The following GPHN variants were observed in gnomAD, a reference collection of about 807,000 sequenced individuals.
The protein encoded by GPHN is gephyrin.
GPHN carries 17 observed loss-of-function variants against 95.5 expected under a neutral mutation model. That is an observed-to-expected ratio of 0.18 (90% CI 0.12 to 0.27). GPHN has a LOEUF of 0.27. GPHN is among the 10% of genes least tolerant of loss of function. The probability of loss-of-function intolerance (pLI) is 1.00; values close to 1 mark genes in which losing one functional copy is unlikely to be tolerated. For synonymous variants in GPHN, 320 were observed against 322.5 expected (o/e 0.99, Z 0.08); for missense variants, 660 against 978.1 (o/e 0.67, Z 4.34).
At chr14:67,718,281 T>C in the GPHN span, among the ~76,000 whole-genome samples, 1 of 152,084 alleles carries the variant, frequency 6.6e-6, no homozygotes. Context: ...AAATATGTGA[T>C]TTGAAGAATA....
chr14:67,569,703 G>A, the GPHN span: 1 of 585,802 alleles, frequency 1.7e-6, no homozygotes, highest in Non-Finnish European at 3.1e-6. Context: ...TTAAAGGTAA[G>A]GCTTTTGGAT....
At chr14:67,724,582 G>A in the GPHN span, 11 of 1,611,646 alleles carry the variant, frequency 6.8e-6, no homozygotes, top group African/African-American at 4.0e-5. Flanking sequence ...CAGAGAGCTC[G>A]CTAGCCGAGG....
intron 11 of GPHN, among the ~76,000 whole-genome samples, chr14:67,076,790 A>G (rs2076512343): frequency 6.6e-6 from 1 of 152,168 alleles, no homozygotes; most frequent in Non-Finnish European, 1.5e-5. Context: ...TTTATATTTG[A>G]AAGGCTTAGG....
intron 4 of GPHN, among the ~76,000 whole-genome samples, chr14:66,875,458 T>C (rs574573701): frequency 6.2e-4 from 93 of 149,820 alleles, no homozygotes; most frequent in Non-Finnish European, 5.5e-4. Flanking sequence ...AAAGACAGAC[T>C]GGCAAATTGG....
chr14:67,719,271 G>A, the GPHN span, among the ~76,000 whole-genome samples: 1 of 152,188 alleles, frequency 6.6e-6, no homozygotes, highest in African/African-American at 2.4e-5. Flanking sequence ...TTCAATGTCA[G>A]TATTAATCAG....
the GPHN span, among the ~76,000 whole-genome samples, chr14:67,196,223 C>CTTTCTTTTTT: frequency 4.5e-3 from 639 of 143,116 alleles, 8 homozygotes; most frequent in African/African-American, 0.015. Context: ...TTCTTTCTTT[C>CTTTCTTTTTT]TTTTTTTTTT....
chr14:67,119,196 A>G (rs1161078533), intron 16 of GPHN, among the ~76,000 whole-genome samples: 3 of 152,228 alleles, frequency 2.0e-5, no homozygotes, highest in Admixed American at 6.5e-5. Flanking sequence ...AGCTTGTGTT[A>G]AAAACAATTT....
the GPHN span, chr14:67,585,431 A>T: frequency 3.0e-6 from 2 of 656,946 alleles, no homozygotes; most frequent in Non-Finnish European, 5.4e-6. Flanking sequence ...TACAAATATC[A>T]TCTTTGTTTT....
At chr14:67,268,317 C>T in the GPHN span, among the ~76,000 whole-genome samples, 4 of 152,154 alleles carry the variant, frequency 2.6e-5, no homozygotes, top group Admixed American at 1.3e-4. Context: ...AACTCTCATA[C>T]GATCGAATTC....
chr14:66,683,332 AT>A (rs2067062157), intron 2 of GPHN, among the ~76,000 whole-genome samples: 3 of 25,900 alleles, frequency 1.2e-4, no homozygotes, highest in Admixed American at 1.0e-3. Context: ...ATGTGGAAAT[AT>A]ATATATATAT....
At chr14:67,182,878 C>T (rs1363530602), downstream of GPHN, among the ~76,000 whole-genome samples, 3 of 126,864 alleles carry the variant, frequency 2.4e-5, no homozygotes, top group African/African-American at 6.1e-5. Context: ...CACAGTCTTG[C>T]TCTACTGCTC....
chr14:67,042,408 A>G (rs2074757026), intron 10 of GPHN, among the ~76,000 whole-genome samples: 1 of 152,136 alleles, frequency 6.6e-6, no homozygotes, highest in Non-Finnish European at 1.5e-5. Flanking sequence ...TTTTTGTATA[A>G]GGTGTAAGGA....
At chr14:67,692,188 G>C in the GPHN span, 1 of 442,642 alleles carries the variant, frequency 2.3e-6, no homozygotes, top group South Asian at 2.5e-5. Context: ...TGAGTGCTGA[G>C]ACTCCCATGA....
In GPHN at chr14:66,989,230, T is replaced by C. The variant is rs2071234047; in HGVS notation, c.963+23905T>C. Among the ~76,000 whole-genome samples, 3 of 151,964 alleles carry C rather than the reference T, an allele frequency of 2.0e-5. 1 individual carries two copies. In the South Asian group the frequency reaches 6.2e-4, roughly 31 times the overall value. ...TCCATAATCACTCCCCAAAACCTAT[T>C]TTGTCATTTTTTTTAAAAAAAAGAT... is the stretch of plus-strand genomic sequence containing the variant. On this transcript the variant is annotated intron_variant, in intron 9 of 22. Coordinates refer to ENST00000478722, the MANE Select transcript of GPHN (RefSeq NM_020806.5).
At chr14:67,219,274 T>TA in the GPHN span, among the ~76,000 whole-genome samples, 17 of 152,176 alleles carry the variant, frequency 1.1e-4, no homozygotes, top group Non-Finnish European at 8.8e-5. Flanking sequence ...CTCTTCTGCT[T>TA]ACGTTTTCCC....
chr14:66,621,227 G>A (rs1255360796), intron 1 of GPHN, among the ~76,000 whole-genome samples: 67 of 150,778 alleles, frequency 4.4e-4, no homozygotes, highest in Non-Finnish European at 1.0e-4. Flanking sequence ...CGCCTGCCTC[G>A]GCCTCCCAAA....
At chr14:67,232,488 T>A in the GPHN span, among the ~76,000 whole-genome samples, 1 of 152,112 alleles carries the variant, frequency 6.6e-6, no homozygotes. Flanking sequence ...CCAGTTAAGC[T>A]GCTTCTGGCT....
At chr14:67,086,765 C>T (rs1029770463) in intron 11 of GPHN, among the ~76,000 whole-genome samples, 3 of 149,632 alleles carry the variant, frequency 2.0e-5, no homozygotes, top group South Asian at 2.2e-4. Flanking sequence ...TCCGGCCAGG[C>T]GCGTGGCTCA....
chr14:66,638,154 A>G (rs1219327226), intron 1 of GPHN, among the ~76,000 whole-genome samples: 2 of 152,014 alleles, frequency 1.3e-5, no homozygotes, highest in African/African-American at 2.4e-5. Flanking sequence ...TTATTTCATC[A>G]TTACTTATCA....
Sources: gnomAD v4.1 joint callset for allele counts (sites outside exome capture counted in the v4.1 genomes callset) on GRCh38, gnomAD v4.1.1 for gene constraint, MANE v1.5 for transcripts, NCBI Gene and HGNC (gene_info 2026-07-23, HGNC 2026-07-21) for gene names.